Variants in LYPD6 observed in about 807,000 individuals in gnomAD.
LYPD6 encodes the protein ly6/PLAUR domain-containing protein 6.
In LYPD6, 15 loss-of-function variants were observed where a neutral mutation model predicts 22.7. The observed-to-expected ratio is 0.66, with a 90% confidence interval of 0.44 to 1.02. The LOEUF is 1.02. LYPD6 is among the 50% of genes least tolerant of loss of function. The probability of loss-of-function intolerance (pLI) is 0.00; values close to 1 mark genes in which losing one functional copy is unlikely to be tolerated. For synonymous variants in LYPD6, 72 were observed against 77.5 expected (o/e 0.93, Z 0.37); for missense variants, 189 against 208.4 (o/e 0.91, Z 0.57).
intron 4 of LYPD6, among the ~76,000 whole-genome samples, chr2:149,469,949 A>G (rs1353723150): frequency 1.3e-5 from 2 of 152,212 alleles, no homozygotes; most frequent in African/African-American, 4.8e-5. Context: ...TCCTATGACT[A>G]GGAATCACCT....
chr2:149,468,376 T>C lies in LYPD6; in HGVS notation c.218-269T>C, dbSNP rs562480421. Among the ~76,000 whole-genome samples, 10 of 152,262 alleles carry C rather than the reference T, an allele frequency of 6.6e-5. No homozygotes were observed. The East Asian group carries it at 1.9e-3, about 29-fold the overall frequency. ...TAAAAATCAGTCCAGTGGCAAAATT[T>C]GTTGAAAGGCAAGGAGAAACCATTG... On this transcript the variant is annotated intron_variant, in intron 3 of 4. Coordinates refer to ENST00000334166, the MANE Select transcript of LYPD6 (RefSeq NM_194317.5).
chr2:149,415,549 A>C (rs969621000), intron 1 of LYPD6, among the ~76,000 whole-genome samples: 5 of 152,052 alleles, frequency 3.3e-5, no homozygotes, highest in Admixed American at 3.3e-4. Context: ...GAGCTGGGGA[A>C]GGCTTGGAGA....
chr2:149,415,546 G>A (rs1017030471), intron 1 of LYPD6, among the ~76,000 whole-genome samples: 29 of 152,100 alleles, frequency 1.9e-4, no homozygotes, highest in African/African-American at 6.8e-4. Flanking sequence ...CTGGAGCTGG[G>A]GAAGGCTTGG....
In LYPD6 at chr2:149,348,157, G is replaced by A. The variant is rs182755253; in HGVS notation, c.-72+17435G>A. On this transcript the variant is annotated intron_variant, in intron 1 of 4. Transcript: ENST00000334166. ...CTGTCTCTCTCTTTAAATACCCAAG[G>A]GCCAACTTGTGCCAATCATAGTTCT... Among the ~76,000 whole-genome samples the A allele has an allele frequency of 2.6e-5, 4 of 151,598 alleles. No homozygotes were observed. In the East Asian group the frequency reaches 7.7e-4, roughly 29 times the overall value.
intron 1 of LYPD6, among the ~76,000 whole-genome samples, chr2:149,427,902 T>C (rs1280525221): frequency 2.0e-5 from 3 of 152,258 alleles, no homozygotes. Context: ...TTGAAGTATT[T>C]TGATGCAATT....
At chr2:149,375,785 G>A (rs1681907001) in intron 1 of LYPD6, among the ~76,000 whole-genome samples, 1 of 152,210 alleles carries the variant, frequency 6.6e-6, no homozygotes, top group South Asian at 2.1e-4. Flanking sequence ...TTGACAGGTG[G>A]AAGGGGGAAT....
At chr2:149,372,632 T>G (rs1681836609) in intron 1 of LYPD6, among the ~76,000 whole-genome samples, 1 of 152,208 alleles carries the variant, frequency 6.6e-6, no homozygotes, top group African/African-American at 2.4e-5. Context: ...ATTCAAAGAA[T>G]TTGGTTTAGT....
intron 1 of LYPD6, among the ~76,000 whole-genome samples, chr2:149,385,956 C>T (rs1682174940): frequency 6.6e-6 from 1 of 152,104 alleles, no homozygotes; most frequent in Non-Finnish European, 1.5e-5. Context: ...TGCTACTGTT[C>T]CCCAGGTATG....
intron 1 of LYPD6, among the ~76,000 whole-genome samples, chr2:149,355,785 A>AT (rs1681437962): frequency 6.6e-6 from 1 of 152,166 alleles, no homozygotes; most frequent in Admixed American, 6.5e-5. Flanking sequence ...AGTATGTAGA[A>AT]TCTTGTTTGT....
chr2:149,470,721 G>T lies in LYPD6; in HGVS notation c.387G>T (p.Leu129Phe). 2 of 1,613,584 alleles carry T rather than the reference G, an allele frequency of 1.2e-6. No individual in the cohort carries two copies. The highest frequency in any genetic ancestry group is 1.7e-6 in the Non-Finnish European group (2 of 1,179,698). The change falls in exon 5 of 5, where the codon TTG becomes TTT. Residue 129 changes from leucine to phenylalanine, a missense_variant. Transcript: ENST00000334166. ...TSCCEGNICNLPLPRNETDAT... is the reference protein window; with the variant it reads ...TSCCEGNICNFPLPRNETDAT... ...GTTGTGAAGGAAATATCTGTAACTT[G>T]CCACTGCCCCGAAATGAAACTGATG...
chr2:149,363,338 C>T (rs1681604629), intron 1 of LYPD6, among the ~76,000 whole-genome samples: 1 of 152,138 alleles, frequency 6.6e-6, no homozygotes, highest in African/African-American at 2.4e-5. Context: ...CTGTATGGCA[C>T]CATTATTATC....
chr2:149,371,447 G>A (rs1257858116), intron 1 of LYPD6, among the ~76,000 whole-genome samples: 5 of 152,182 alleles, frequency 3.3e-5, no homozygotes, highest in Non-Finnish European at 7.3e-5. Context: ...ATATTCTAAA[G>A]CAGTATTTTT....
chr2:149,365,190 C>G (rs1681637995), intron 1 of LYPD6, among the ~76,000 whole-genome samples: 1 of 152,214 alleles, frequency 6.6e-6, no homozygotes, highest in Non-Finnish European at 1.5e-5. Context: ...CTCCAATGTT[C>G]AGATAATTCT....
chr2:149,482,000 C>T, the LYPD6 span, among the ~76,000 whole-genome samples: 1 of 152,150 alleles, frequency 6.6e-6, no homozygotes, highest in Admixed American at 6.5e-5. Context: ...GCTGTGGCTG[C>T]CCAGTGCAGT....
At chr2:149,397,999 GAAAAAA>G (rs1049257439) in intron 1 of LYPD6, among the ~76,000 whole-genome samples, 1 of 151,556 alleles carries the variant, frequency 6.6e-6, no homozygotes, top group East Asian at 1.9e-4. Context: ...ACTCCATTAA[GAAAAAA>G]AACAACTAAC....
chr2:149,428,136 T>G (rs1273938709), intron 1 of LYPD6, among the ~76,000 whole-genome samples: 3 of 152,240 alleles, frequency 2.0e-5, no homozygotes, highest in African/African-American at 7.2e-5. Context: ...AGTTCTCTAT[T>G]ATTGACATTT....
chr2:149,338,353 C>T (rs1681098194), intron 1 of LYPD6, among the ~76,000 whole-genome samples: 1 of 152,120 alleles, frequency 6.6e-6, no homozygotes, highest in South Asian at 2.1e-4. Context: ...AAGCTAGAAT[C>T]TTTTAAAGAG....
intron 1 of LYPD6, among the ~76,000 whole-genome samples, chr2:149,353,466 C>T (rs1020550384): frequency 2.0e-5 from 3 of 152,126 alleles, no homozygotes; most frequent in African/African-American, 4.8e-5. Context: ...CAACATTAGA[C>T]CAGCTGCTGT....
At chr2:149,404,047 A>T (rs555080187) in intron 1 of LYPD6, among the ~76,000 whole-genome samples, 12 of 152,220 alleles carry the variant, frequency 7.9e-5, no homozygotes, top group Middle Eastern at 3.4e-3. Flanking sequence ...AGTTGTAGAT[A>T]TGCGCCATTA....
Sources: allele counts gnomAD v4.1 joint callset (sites outside exome capture counted in the v4.1 genomes callset), GRCh38; gene constraint gnomAD v4.1.1; transcripts MANE v1.5; gene names NCBI Gene and HGNC (gene_info 2026-07-23, HGNC 2026-07-21).